The following CPEB1 variants were observed in gnomAD, a reference collection of about 807,000 sequenced individuals.
CPEB1 encodes the protein cytoplasmic polyadenylation element binding protein 1.
Under a neutral mutation model 65.8 loss-of-function variants are expected in CPEB1, and 7 were observed. The ratio of observed to expected loss-of-function variants is 0.11; its 90% CI spans 0.06 to 0.20. The LOEUF (loss-of-function observed/expected upper bound fraction) is 0.20, where lower values mean the gene tolerates loss of function less well. Among genes scored for constraint, CPEB1 ranks in the 10% least tolerant of loss-of-function variants. The pLI is 1.00. For synonymous variants in CPEB1, 262 were observed against 260.0 expected (o/e 1.01, Z -0.08); for missense variants, 551 against 712.2 (o/e 0.77, Z 2.58).
chr15:82,556,195 T>C, intron 5 of CPEB1, 73 bp from the exon 6 acceptor site: 2 of 1,440,100 alleles, frequency 1.4e-6, no homozygotes, highest in South Asian at 2.9e-5. Context: ...ATTATAGAAA[T>C]TATTAAAAAC....
chr15:82,634,880 CAG>C (rs1214273099), intron 1 of CPEB1, among the ~76,000 whole-genome samples: 1 of 152,116 alleles, frequency 6.6e-6, no homozygotes, highest in Non-Finnish European at 1.5e-5. Flanking sequence ...ATTTTTGAAA[CAG>C]AGTCTCGCTC....
At chr15:82,639,160 C>G (rs1298424172) in intron 1 of CPEB1, among the ~76,000 whole-genome samples, 1 of 152,172 alleles carries the variant, frequency 6.6e-6, no homozygotes, top group South Asian at 2.1e-4. Flanking sequence ...CATATAAAAC[C>G]CTTCATGGTC....
intron 3 of CPEB1, among the ~76,000 whole-genome samples, chr15:82,593,496 C>T (rs770141224): frequency 2.0e-5 from 3 of 152,212 alleles, no homozygotes; most frequent in African/African-American, 7.2e-5. Flanking sequence ...ATTTCCACCA[C>T]GTGTGTAGTT....
chr15:82,571,298 C>G lies in CPEB1; in HGVS notation c.460+46G>C, dbSNP rs1347713405. The G allele has an allele frequency of 4.4e-6, 7 of 1,578,616 alleles. No homozygotes were observed. In the African/African-American group the frequency reaches 8.1e-5, roughly 18 times the overall value. ...TGCTGTGGATATCTTCGTTCACCAC[C>G]CCCATGCATCCCCTTACCCCAGCCA... On this transcript the variant is annotated intron_variant, in intron 4 of 12. Transcript: ENST00000684509.
At chr15:82,647,624 C>A (rs1050851846), upstream of CPEB1, 3 of 337,364 alleles carry the variant, frequency 8.9e-6, no homozygotes, top group Non-Finnish European at 1.6e-5. Flanking sequence ...CGCAGGGCTG[C>A]GGCGCCTTTA....
At chr15:82,646,817 G>A (rs2151412787) in intron 1 of CPEB1, among the ~76,000 whole-genome samples, 1 of 152,230 alleles carries the variant, frequency 6.6e-6, no homozygotes, top group African/African-American at 2.4e-5. Flanking sequence ...ACCCCAAGGT[G>A]AGGACCCCTT....
At chr15:82,616,049 A>G (rs940045706) in intron 3 of CPEB1, among the ~76,000 whole-genome samples, 1 of 152,146 alleles carries the variant, frequency 6.6e-6, no homozygotes, top group African/African-American at 2.4e-5. Flanking sequence ...ACAAATAACT[A>G]TCAATATGTA....
At chr15:82,573,287 T>G in intron 3 of CPEB1, 1 of 860,006 alleles carries the variant, frequency 1.2e-6, no homozygotes, top group East Asian at 2.8e-5. Context: ...ACGTTATTCC[T>G]CCTGGCTGTA....
At chr15:82,642,318 C>T (rs192284782) in intron 1 of CPEB1, among the ~76,000 whole-genome samples, 1 of 152,330 alleles carries the variant, frequency 6.6e-6, no homozygotes, top group African/African-American at 2.4e-5. Flanking sequence ...CTCTGGGAGG[C>T]TGAGGCAGGA....
chr15:82,633,677 T>A (rs2151348615), intron 1 of CPEB1, among the ~76,000 whole-genome samples: 1 of 152,352 alleles, frequency 6.6e-6, no homozygotes, highest in East Asian at 1.9e-4. Flanking sequence ...CTGGCCCTAA[T>A]CCAAGTTATT....
At chr15:82,579,376 C>G (rs1386908184) in intron 3 of CPEB1, among the ~76,000 whole-genome samples, 2 of 152,074 alleles carry the variant, frequency 1.3e-5, no homozygotes, top group African/African-American at 4.8e-5. Flanking sequence ...CTACGATGAA[C>G]CATGATTGCG....
At chr15:82,636,980 C>G (rs548280678) in intron 1 of CPEB1, among the ~76,000 whole-genome samples, 1 of 152,132 alleles carries the variant, frequency 6.6e-6, no homozygotes, top group Non-Finnish European at 1.5e-5. Context: ...CATTCTTCAT[C>G]AATAAAAAAA....
intron 3 of CPEB1, among the ~76,000 whole-genome samples, chr15:82,580,609 T>TA (rs775140465): frequency 6.6e-6 from 1 of 152,182 alleles, no homozygotes; most frequent in East Asian, 1.9e-4. Context: ...CAAGCATCAC[T>TA]ACTCTTCACC....
At chr15:82,575,075 A>G (rs2040503402) in intron 3 of CPEB1, among the ~76,000 whole-genome samples, 1 of 152,186 alleles carries the variant, frequency 6.6e-6, no homozygotes. Context: ...TAAAAACAGA[A>G]AGGTCGTATG....
chr15:82,629,398 T>A, intron 1 of CPEB1: 1 of 985,174 alleles, frequency 1.0e-6, no homozygotes, highest in African/African-American at 1.7e-5. Flanking sequence ...ACAACTTTAT[T>A]AACTGGCATG....
intron 4 of CPEB1, among the ~76,000 whole-genome samples, chr15:82,567,753 G>T (rs1027106989): frequency 6.6e-6 from 1 of 152,196 alleles, no homozygotes; most frequent in African/African-American, 2.4e-5. Flanking sequence ...CTGCACATCT[G>T]GTCTGCCCAC....
At chr15:82,558,348 T>G (rs2037591146) in intron 4 of CPEB1, among the ~76,000 whole-genome samples, 1 of 152,162 alleles carries the variant, frequency 6.6e-6, no homozygotes, top group Non-Finnish European at 1.5e-5. Flanking sequence ...CAGTTAGAAA[T>G]CCCAAACCAT....
intron 10 of CPEB1, 53 bp from the exon 11 acceptor site, chr15:82,547,290 T>C (rs1034064023): frequency 2.0e-5 from 1 of 49,272 alleles, no homozygotes; most frequent in Non-Finnish European, 3.1e-5. Flanking sequence ...CAAATGCTAC[T>C]TTTTTTTTTT....
chr15:82,544,802 G>T, intron 12 of CPEB1, 100 bp from the exon 13 acceptor site: 1 of 843,420 alleles, frequency 1.2e-6, no homozygotes, highest in South Asian at 1.5e-5. Context: ...AAGGGTGGGA[G>T]ACTCCCGATG....
Sources: gnomAD v4.1 joint callset for allele counts (sites outside exome capture counted in the v4.1 genomes callset) on GRCh38, gnomAD v4.1.1 for gene constraint, MANE v1.5 for transcripts, NCBI Gene and HGNC (gene_info 2026-07-23, HGNC 2026-07-21) for gene names.